RBFOX1: variants seen among roughly 807,000 people sequenced by gnomAD.
RBFOX1 encodes the protein RNA binding protein fox-1 homolog 1.
In RBFOX1, 8 loss-of-function variants were observed where a neutral mutation model predicts 57.7. The observed-to-expected ratio is 0.14, with a 90% CI of 0.08 to 0.25. The LOEUF is 0.25. Ranked by LOEUF, RBFOX1 falls within the 10% of genes least tolerant of loss-of-function variation. RBFOX1 has a pLI of 1.00. For missense variants in RBFOX1, 611 were observed against 548.5 expected, an observed-to-expected ratio of 1.11 and a Z score of -1.14; for synonymous variants, 326 against 222.4, an observed-to-expected ratio of 1.47 and a Z score of -4.15.
At chr16:7,514,734 C>T (rs2075976993) in intron 4 of RBFOX1, among the ~76,000 whole-genome samples, 1 of 152,134 alleles carries the variant, frequency 6.6e-6, no homozygotes, top group South Asian at 2.1e-4. Flanking sequence ...GCTCTTCTCC[C>T]TTAACTGACC....
intron 10 of RBFOX1, among the ~76,000 whole-genome samples, chr16:7,615,168 C>G (rs34518736): frequency 0.42 from 63,605 of 151,884 alleles, 15,763 homozygotes; most frequent in Non-Finnish European, 0.54. Flanking sequence ...CCCATCTCTA[C>G]TAAAAATACA....
At chr16:7,392,237 C>G (rs926007879) in intron 4 of RBFOX1, among the ~76,000 whole-genome samples, 1 of 152,156 alleles carries the variant, frequency 6.6e-6, no homozygotes, top group Non-Finnish European at 1.5e-5. Context: ...GGAAGCCCTC[C>G]CTCCCTGAAT....
At chr16:7,246,633 C>CTTTTTTTTTTTTTTTTTTTTTTTTTTT (rs56654382) in intron 4 of RBFOX1, among the ~76,000 whole-genome samples, 4 of 105,502 alleles carry the variant, frequency 3.8e-5, no homozygotes, top group African/African-American at 1.7e-4. Context: ...TGGTCACCTC[C>CTTTTTTTTTTTTTTTTTTTTTTTTTTT]TTTTTTTTTT....
At chr16:7,128,436 G>A (rs976456913) in intron 4 of RBFOX1, among the ~76,000 whole-genome samples, 1 of 152,190 alleles carries the variant, frequency 6.6e-6, no homozygotes, top group East Asian at 1.9e-4. Flanking sequence ...GGCAAACCAA[G>A]AGAGCCTGAA....
chr16:7,005,276 A>C (rs910378734), intron 3 of RBFOX1, among the ~76,000 whole-genome samples: 6 of 152,184 alleles, frequency 3.9e-5, no homozygotes, highest in Non-Finnish European at 5.9e-5. Context: ...GAGAACCTAA[A>C]GATACTTGCC....
intron 4 of RBFOX1, among the ~76,000 whole-genome samples, chr16:7,216,211 T>C (rs545083604): frequency 4.6e-5 from 7 of 152,336 alleles, no homozygotes; most frequent in Admixed American, 2.6e-4. Flanking sequence ...TTTCCACTTA[T>C]TGGCTATTGT....
intron 4 of RBFOX1, among the ~76,000 whole-genome samples, chr16:7,073,071 T>C (rs540287805): frequency 9.5e-4 from 145 of 152,220 alleles, no homozygotes; most frequent in African/African-American, 3.4e-3. Context: ...TAGTACAGGT[T>C]GTAGGTATTC....
intron 1 of RBFOX1, among the ~76,000 whole-genome samples, chr16:6,236,989 C>T (rs17139648): frequency 2.0e-5 from 3 of 152,094 alleles, no homozygotes; most frequent in Non-Finnish European, 4.4e-5. Flanking sequence ...TATTTCATCT[C>T]TAAACAAACT....
chr16:7,072,981 A>G (rs546721782), intron 4 of RBFOX1, among the ~76,000 whole-genome samples: 1 of 152,332 alleles, frequency 6.6e-6, no homozygotes, highest in East Asian at 1.9e-4. Context: ...TGGCTGAGGA[A>G]TAAGCCACTT....
chr16:6,103,809 TG>T (rs2096344605), intron 1 of RBFOX1, among the ~76,000 whole-genome samples: 2 of 152,126 alleles, frequency 1.3e-5, no homozygotes, highest in Admixed American at 1.3e-4. Flanking sequence ...AGAGTCTCCC[TG>T]GGGCCCTAGA....
intron 4 of RBFOX1, among the ~76,000 whole-genome samples, chr16:7,500,027 C>G (rs1009932141): frequency 1.3e-5 from 2 of 152,266 alleles, no homozygotes; most frequent in East Asian, 3.9e-4. Context: ...CCTCTTCTTC[C>G]TCAAGTCAGC....
intron 4 of RBFOX1, among the ~76,000 whole-genome samples, chr16:5,943,738 A>G (rs546371213): frequency 5.3e-5 from 8 of 152,346 alleles, no homozygotes; most frequent in African/African-American, 1.9e-4. Context: ...CAAGTAAACT[A>G]CAAGTAGTGC....
intron 1 of RBFOX1, among the ~76,000 whole-genome samples, chr16:6,105,479 C>T (rs888669365): frequency 2.0e-5 from 3 of 152,084 alleles, no homozygotes; most frequent in African/African-American, 7.2e-5. Context: ...CTATTTAAGA[C>T]TGGCATTCTA....
At chr16:6,443,063 T>A (rs1183480270) in intron 2 of RBFOX1, among the ~76,000 whole-genome samples, 1 of 152,182 alleles carries the variant, frequency 6.6e-6, no homozygotes, top group Non-Finnish European at 1.5e-5. Flanking sequence ...ATTGCTTTAA[T>A]ACTTTATTAG....
intron 3 of RBFOX1, among the ~76,000 whole-genome samples, chr16:6,958,805 G>A (rs975640455): frequency 2.0e-5 from 3 of 152,106 alleles, no homozygotes; most frequent in Admixed American, 6.5e-5. Flanking sequence ...ATTGGAAATC[G>A]TGTCATTATG....
At chr16:6,781,320 T>G (rs2080983826) in intron 3 of RBFOX1, among the ~76,000 whole-genome samples, 1 of 152,134 alleles carries the variant, frequency 6.6e-6, no homozygotes, top group Non-Finnish European at 1.5e-5. Context: ...ATGTTGAATT[T>G]GATTCGGTAG....
chr16:6,671,090 A>G (rs185163322), intron 3 of RBFOX1, among the ~76,000 whole-genome samples: 17 of 152,350 alleles, frequency 1.1e-4, no homozygotes, highest in African/African-American at 4.1e-4. Context: ...ACGTATGAAC[A>G]ACCAGATAAT....
At chr16:5,812,160 T>C (rs536929185) in intron 3 of RBFOX1, among the ~76,000 whole-genome samples, 1 of 152,316 alleles carries the variant, frequency 6.6e-6, no homozygotes, top group East Asian at 1.9e-4. Context: ...ACTGTATGGA[T>C]AGTGACTACA....
chr16:7,677,518 G>C (rs2073697943), intron 14 of RBFOX1, among the ~76,000 whole-genome samples: 1 of 152,114 alleles, frequency 6.6e-6, no homozygotes, highest in Admixed American at 6.6e-5. Context: ...CAGGTTGCGG[G>C]GGTGGGGTGG....
Sources: gnomAD v4.1 joint callset for allele counts (sites outside exome capture counted in the v4.1 genomes callset) on GRCh38, gnomAD v4.1.1 for gene constraint, MANE v1.5 for transcripts, NCBI Gene and HGNC (gene_info 2026-07-23, HGNC 2026-07-21) for gene names.